Variants in RUNDC3B observed in about 807,000 individuals in gnomAD.
RUNDC3B encodes the protein RUN domain-containing protein 3B.
In RUNDC3B, 33 loss-of-function variants were observed where a neutral mutation model predicts 58.4. That is an observed-to-expected ratio of 0.56 (90% CI 0.43 to 0.75). The LOEUF (loss-of-function observed/expected upper bound fraction) is 0.75, where lower values mean the gene tolerates loss of function less well. RUNDC3B is among the 30% of genes least tolerant of loss of function. The pLI is 0.00. For missense variants in RUNDC3B, 501 were observed against 535.7 expected (o/e 0.94, Z 0.64); for synonymous variants, 193 against 195.2 (o/e 0.99, Z 0.10).
Position 87,831,535 on chromosome 7 carries a change from C to T in RUNDC3B, c.*1505C>T, listed in dbSNP as rs1421950758. 1 of 151,884 alleles carries T rather than the reference C, an allele frequency of 6.6e-6. No homozygotes were observed. Among genetic ancestry groups the T allele is most frequent in the Non-Finnish European group, 1.5e-5 (1 of 67,866 alleles). 9.4% of individuals were successfully genotyped at this position (151,884 alleles called of 1,614,324 possible). ...TAGATGTGCCAGAACATATTCAGAG[C>T]TTTATTCCTTTAAGCTTAAGGCTTC... On this transcript the variant is annotated 3_prime_UTR_variant, in exon 11 of 11. Transcript: ENST00000394654.
chr7:87,777,101 AG>A (rs1176059492), intron 7 of RUNDC3B, among the ~76,000 whole-genome samples: 1 of 152,204 alleles, frequency 6.6e-6, no homozygotes, highest in Non-Finnish European at 1.5e-5. Flanking sequence ...ACAAAGAGAA[AG>A]TAAAGAGTAA....
intron 2 of RUNDC3B, among the ~76,000 whole-genome samples, chr7:87,673,620 A>G (rs1563122505): frequency 6.6e-6 from 1 of 152,170 alleles, no homozygotes; most frequent in Non-Finnish European, 1.5e-5. Flanking sequence ...TCCGTTTGTC[A>G]TATTCCTTAG....
At chr7:87,719,471 G>A (rs1830740829) in intron 4 of RUNDC3B, among the ~76,000 whole-genome samples, 1 of 151,338 alleles carries the variant, frequency 6.6e-6, no homozygotes, top group Non-Finnish European at 1.5e-5. Context: ...TATACAAAAT[G>A]TACAAAAATA....
rs764252849 is a variant in RUNDC3B at position 87,777,900 on chromosome 7, C to T, written c.901C>T (p.His301Tyr). ...LQRIEDSDLAHKLEKEQLEYI... is the reference protein window; with the variant it reads ...LQRIEDSDLAYKLEKEQLEYI... Reference sequence around the variant, plus strand: ...AAGGATTGAAGATTCCGATCTGGCTCATAAACTGGAGAAGGAACAATTAGA... The same window carrying T: ...AAGGATTGAAGATTCCGATCTGGCTTATAAACTGGAGAAGGAACAATTAGA... The change falls in exon 8 of 11, where the codon CAT (histidine) becomes TAT (tyrosine). Residue 301 changes from histidine (H) to tyrosine (Y), a missense_variant. Physicochemically the swap from His to Tyr is moderately conservative, Grantham distance 83. Transcript: ENST00000394654. 17 of 1,613,462 alleles carry T rather than the reference C, an allele frequency of 1.1e-5. No homozygotes were observed. In the Admixed American group the frequency reaches 1.7e-4, roughly 16 times the overall value.
intron 2 of RUNDC3B, among the ~76,000 whole-genome samples, chr7:87,684,284 C>A (rs2130607140): frequency 6.6e-6 from 1 of 152,196 alleles, no homozygotes; most frequent in Non-Finnish European, 1.5e-5. Flanking sequence ...AGATTCAATG[C>A]AATCTCAAAG....
At position 87,699,910 on chromosome 7, in the gene RUNDC3B, A is replaced by G. The variant is rs1013795329; in HGVS notation, c.239-511A>G. On this transcript the variant is annotated intron_variant, in intron 2 of 10. Coordinates refer to ENST00000394654, the MANE Select transcript of RUNDC3B (RefSeq NM_001134405.2). ...CATTATTAGTGAATATAGGATGCTA[A>G]TTGATTTTATTTATTTATAAAGTAA... Among the ~76,000 whole-genome samples the G allele has an allele frequency of 4.6e-5, 7 of 152,172 alleles. 1 individual carries two copies. The South Asian group carries it at 8.3e-4, about 18-fold the overall frequency.
rs952963770 is a variant in RUNDC3B at position 87,711,819 on chromosome 7, C to T, written c.458+1164C>T. Among the ~76,000 whole-genome samples the T allele has an allele frequency of 4.6e-5, 7 of 152,192 alleles. No homozygotes were observed. In the South Asian group the frequency reaches 8.3e-4, roughly 18 times the overall value. ...CCTCATCACAGAAGGTTCTATTGGT[C>T]GGAGCTGCCTGAGATATTTCTAAAC... On this transcript the variant is annotated intron_variant, in intron 4 of 10. Transcript: ENST00000394654.
At chr7:87,726,040 T>C (rs1481101446) in intron 4 of RUNDC3B, among the ~76,000 whole-genome samples, 3 of 152,188 alleles carry the variant, frequency 2.0e-5, no homozygotes, top group African/African-American at 7.2e-5. Flanking sequence ...ATTCTGTAGG[T>C]TGCCTGTTCA....
intron 6 of RUNDC3B, among the ~76,000 whole-genome samples, chr7:87,744,503 A>C (rs987352335): frequency 5.3e-5 from 8 of 152,086 alleles, no homozygotes; most frequent in African/African-American, 1.9e-4. Flanking sequence ...AGTGTTTTGT[A>C]GTTTTCCTTG....
At chr7:87,662,273 G>A (rs1244634461) in intron 2 of RUNDC3B, among the ~76,000 whole-genome samples, 5 of 151,932 alleles carry the variant, frequency 3.3e-5, no homozygotes, top group East Asian at 3.9e-4. Context: ...TCACTTGTCC[G>A]TTTTTGCTTT....
At chr7:87,820,099 A>G (rs1194129102) in intron 10 of RUNDC3B, among the ~76,000 whole-genome samples, 2 of 152,146 alleles carry the variant, frequency 1.3e-5, no homozygotes, top group Admixed American at 6.6e-5. Flanking sequence ...GAATCCAGGA[A>G]CTGGTTTTTT....
chr7:87,638,632 C>G (rs949902557), intron 1 of RUNDC3B, among the ~76,000 whole-genome samples: 1 of 150,278 alleles, frequency 6.7e-6, no homozygotes, highest in Non-Finnish European at 1.5e-5. Flanking sequence ...TTTGCTGAGA[C>G]TTTTCTTAAT....
intron 6 of RUNDC3B, among the ~76,000 whole-genome samples, chr7:87,748,274 G>A (rs1175766359): frequency 2.6e-5 from 4 of 152,168 alleles, no homozygotes; most frequent in African/African-American, 9.7e-5. Flanking sequence ...GTGTGTGTTT[G>A]GGAGAGGCGG....
chr7:87,754,943 CA>C (rs35896180), intron 6 of RUNDC3B, among the ~76,000 whole-genome samples: 4,588 of 73,316 alleles, frequency 0.063, 204 homozygotes, highest in African/African-American at 0.2. Flanking sequence ...GCTTACCAAC[CA>C]AAAAAAAAAA....
intron 8 of RUNDC3B, 52 bp downstream of exon 8, chr7:87,778,007 A>G (rs1834734351): frequency 6.7e-7 from 1 of 1,494,438 alleles, no homozygotes; most frequent in Admixed American, 2.1e-5. Context: ...CATTAAGACA[A>G]AATGTCGTGT....
chr7:87,639,324 A>AT (rs1822196656), intron 1 of RUNDC3B, among the ~76,000 whole-genome samples: 2 of 152,298 alleles, frequency 1.3e-5, no homozygotes, highest in Non-Finnish European at 2.9e-5. Flanking sequence ...TATATGGTTA[A>AT]TTTCAACATA....
chr7:87,657,564 A>ACT (rs1206479452), intron 2 of RUNDC3B, among the ~76,000 whole-genome samples: 1 of 151,526 alleles, frequency 6.6e-6, no homozygotes, highest in African/African-American at 2.4e-5. Context: ...CTGGTCAAAA[A>ACT]CTCTCTCTCT....
intron 2 of RUNDC3B, among the ~76,000 whole-genome samples, chr7:87,654,000 CTAAG>C (rs948545084): frequency 3.3e-5 from 5 of 152,006 alleles, no homozygotes; most frequent in African/African-American, 2.4e-5. Flanking sequence ...TTTTATTTCT[CTAAG>C]TTAGTTTGCC....
intron 4 of RUNDC3B, among the ~76,000 whole-genome samples, chr7:87,738,808 C>A (rs1157998453): frequency 6.6e-6 from 1 of 151,772 alleles, no homozygotes; most frequent in East Asian, 1.9e-4. Flanking sequence ...ACTTAGTAAG[C>A]TGTGAACAAC....
Sources: allele counts gnomAD v4.1 joint callset (sites outside exome capture counted in the v4.1 genomes callset), GRCh38; gene constraint gnomAD v4.1.1; transcripts MANE v1.5; gene names NCBI Gene and HGNC (gene_info 2026-07-23, HGNC 2026-07-21).